Variants in LRBA observed in about 807,000 individuals in gnomAD.
The protein encoded by LRBA is LPS responsive beige-like anchor protein.
LRBA carries 176 observed loss-of-function variants against 330.0 expected under a neutral mutation model. The ratio of observed to expected loss-of-function variants is 0.53; its 90% CI spans 0.47 to 0.60. The LOEUF is 0.60. Ranked by LOEUF, LRBA falls within the 20% of genes least tolerant of loss-of-function variation. The probability of loss-of-function intolerance (pLI) is 0.00; values close to 1 mark genes in which losing one functional copy is unlikely to be tolerated. For synonymous variants in LRBA, 1,230 were observed against 1,193.0 expected (o/e 1.03, Z -0.64); for missense variants, 3,259 against 3,444.8 (o/e 0.95, Z 1.35).
At chr4:150,628,897 T>G (rs563773556) in intron 37 of LRBA, among the ~76,000 whole-genome samples, 113 of 152,296 alleles carry the variant, frequency 7.4e-4, no homozygotes, top group African/African-American at 2.5e-3. Context: ...GTCATTCCTC[T>G]CAAAATTTTT....
chr4:150,926,398 G>A (rs183900711), intron 4 of LRBA, among the ~76,000 whole-genome samples: 129 of 152,168 alleles, frequency 8.5e-4, no homozygotes, highest in African/African-American at 2.4e-3. Flanking sequence ...TAAACTAGCC[G>A]TAGCGTAACA....
Position 150,691,922 on chromosome 4 carries a change from C to T in LRBA, c.5755-8205G>A, listed in dbSNP as rs552418181. On this transcript the variant is annotated intron_variant, in intron 36 of 56. Transcript: ENST00000651943. ...AAAGTTTATGCTGACCAAAATAATC[C>T]AGAGTACCTACTATTTGATTCCATG... Among the ~76,000 whole-genome samples the T allele has an allele frequency of 3.3e-5, 5 of 152,056 alleles. No individual in the cohort carries two copies. The South Asian group carries it at 1.0e-3, about 32-fold the overall frequency.
intron 34 of LRBA, among the ~76,000 whole-genome samples, chr4:150,765,463 T>C (rs1735644920): frequency 6.6e-6 from 1 of 152,092 alleles, no homozygotes; most frequent in African/African-American, 2.4e-5. Context: ...CATGCCAGTC[T>C]CGTGAAGAAT....
At chr4:150,953,896 T>G (rs1238731827) in intron 2 of LRBA, among the ~76,000 whole-genome samples, 1 of 134,774 alleles carries the variant, frequency 7.4e-6, no homozygotes, top group Non-Finnish European at 1.6e-5. Context: ...TTCCCGGCCG[T>G]CATCCCGTCT....
intron 55 of LRBA, among the ~76,000 whole-genome samples, chr4:150,280,605 G>A (rs1010934770): frequency 6.6e-6 from 1 of 152,180 alleles, no homozygotes; most frequent in Non-Finnish European, 1.5e-5. Flanking sequence ...ATAAAAATAG[G>A]TGGGAAGTGC....
At chr4:150,320,009 G>T (rs536961933) in intron 50 of LRBA, among the ~76,000 whole-genome samples, 13 of 151,976 alleles carry the variant, frequency 8.6e-5, no homozygotes, top group Admixed American at 1.3e-4. Flanking sequence ...CTAAAACAAC[G>T]GCTTGGGAAA....
chr4:150,365,966 A>G (rs1739416288), intron 47 of LRBA, among the ~76,000 whole-genome samples: 2 of 152,170 alleles, frequency 1.3e-5, no homozygotes, highest in African/African-American at 4.8e-5. Context: ...GTTTCTGTTA[A>G]TATTTGGAAA....
At chr4:150,843,574 C>T (rs1043431831) in intron 28 of LRBA, among the ~76,000 whole-genome samples, 2 of 152,180 alleles carry the variant, frequency 1.3e-5, no homozygotes, top group Admixed American at 1.3e-4. Flanking sequence ...TTTCATCATG[C>T]ACCTTTTTAT....
At position 150,924,859 on chromosome 4, in the gene LRBA, A is replaced by G. The variant is rs1282288128; in HGVS notation, c.550-3566T>C. On this transcript the variant is annotated intron_variant, in intron 4 of 56. Coordinates refer to ENST00000651943, the MANE Select transcript of LRBA (RefSeq NM_001364905.1). Reference sequence around the variant, plus strand: ...CATAGGCAACTATATTAACATGTTTAATCTTTTTTATGTAGATTATTCCTT... The same window carrying G: ...CATAGGCAACTATATTAACATGTTTGATCTTTTTTATGTAGATTATTCCTT... Among the ~76,000 whole-genome samples, 7 of 152,256 alleles carry G rather than the reference A, an allele frequency of 4.6e-5. No homozygotes were observed. In the East Asian group the frequency reaches 1.4e-3, roughly 29 times the overall value.
intron 44 of LRBA, among the ~76,000 whole-genome samples, chr4:150,463,212 CTACCAT>C (rs1755002714): frequency 6.6e-6 from 1 of 151,944 alleles, no homozygotes; most frequent in Admixed American, 6.6e-5. Context: ...AGCATTCACA[CTACCAT>C]TGGTTTATAG....
At position 150,915,127 on chromosome 4, in the gene LRBA, T is replaced by C. The variant is rs186970372; in HGVS notation, c.1014+481A>G. 2.8e-3 allele frequency among the ~76,000 whole-genome samples: 422 copies of C among 152,274 alleles called. 1 individual carries two copies. The highest frequency in any genetic ancestry group is 6.8e-3 in the Middle Eastern group (2 of 294). On this transcript the variant is annotated intron_variant, in intron 8 of 56. Transcript: ENST00000651943. ...GTAGTGTACTTTATGTTCATTTTCC[T>C]GGTATTTTTCAAGTTTTTATAAAAA... is the stretch of plus-strand genomic sequence containing the variant.
chr4:150,647,517 C>A (rs1779276536), intron 37 of LRBA, among the ~76,000 whole-genome samples: 2 of 150,768 alleles, frequency 1.3e-5, no homozygotes, highest in Non-Finnish European at 2.9e-5. Flanking sequence ...TACCAACACA[C>A]CTAGTAGCAG....
At chr4:150,553,188 A>G (rs1227533685) in intron 40 of LRBA, among the ~76,000 whole-genome samples, 2 of 152,156 alleles carry the variant, frequency 1.3e-5, no homozygotes, top group Non-Finnish European at 2.9e-5. Context: ...GAAGCTGGAA[A>G]CCATCATTCT....
intron 36 of LRBA, among the ~76,000 whole-genome samples, chr4:150,733,327 C>T (rs1422526507): frequency 6.6e-6 from 1 of 151,962 alleles, no homozygotes; most frequent in Admixed American, 6.6e-5. Flanking sequence ...CAGATTAAGA[C>T]AGAGAATGTG....
chr4:150,489,824 T>C lies in LRBA; in HGVS notation c.6448+1094A>G, dbSNP rs182807574. On this transcript the variant is annotated intron_variant, in intron 41 of 56. Coordinates refer to ENST00000651943, the MANE Select transcript of LRBA (RefSeq NM_001364905.1). ...ATAAGCCTCCTTTACATATCCACTA[T>C]TATACTGAATTCAGGGGGAAAAAAT... Among the ~76,000 whole-genome samples, 9 of 145,210 alleles carry C rather than the reference T, an allele frequency of 6.2e-5. No homozygotes were observed. The East Asian group carries it at 1.8e-3, about 29-fold the overall frequency.
At chr4:150,355,307 A>G (rs1737691495) in intron 47 of LRBA, among the ~76,000 whole-genome samples, 1 of 152,094 alleles carries the variant, frequency 6.6e-6, no homozygotes, top group African/African-American at 2.4e-5. Context: ...AAATTATTAG[A>G]TAATTGTTTA....
chr4:150,758,951 A>G (rs1734701493), intron 35 of LRBA, among the ~76,000 whole-genome samples: 1 of 151,672 alleles, frequency 6.6e-6, no homozygotes. Context: ...GTCTTGCTCT[A>G]TCTCCCAGGC....
Position 150,662,036 on chromosome 4 carries a change from C to A in LRBA, c.5921+21515G>T, listed in dbSNP as rs181977557. ...TTTCAAATTATATTTTACATAATTT[C>A]TGGGATGTTTGTATACAGCATTTTA... On this transcript the variant is annotated intron_variant, in intron 37 of 56. Transcript: ENST00000651943. Among the ~76,000 whole-genome samples the A allele has an allele frequency of 1.9e-4, 29 of 152,196 alleles. No individual in the cohort carries two copies. The East Asian group carries it at 5.4e-3, about 28-fold the overall frequency.
intron 38 of LRBA, among the ~76,000 whole-genome samples, chr4:150,596,531 G>T (rs1728270155): frequency 1.3e-5 from 2 of 151,764 alleles, no homozygotes; most frequent in Non-Finnish European, 3.0e-5. Flanking sequence ...ATATAAGAAT[G>T]ACATACTATC....
Sources: gnomAD v4.1 joint callset for allele counts (sites outside exome capture counted in the v4.1 genomes callset) on GRCh38, gnomAD v4.1.1 for gene constraint, MANE v1.5 for transcripts, NCBI Gene and HGNC (gene_info 2026-07-23, HGNC 2026-07-21) for gene names.